KDM4B: variants seen among roughly 807,000 people sequenced by gnomAD.
The protein encoded by KDM4B is lysine-specific demethylase 4B.
KDM4B carries 32 observed loss-of-function variants against 125.2 expected under a neutral mutation model. The observed-to-expected ratio is 0.26, with a 90% CI of 0.19 to 0.34. The LOEUF is 0.34. Ranked by LOEUF, KDM4B falls within the 10% of genes least tolerant of loss-of-function variation. The pLI is 1.00. For missense variants in KDM4B, 1,190 were observed against 1,577.7 expected, an observed-to-expected ratio of 0.75 and a Z score of 4.16; for synonymous variants, 721 against 677.9, an observed-to-expected ratio of 1.06 and a Z score of -0.99.
At chr19:5,032,480 C>T (rs535565022) in intron 2 of KDM4B, among the ~76,000 whole-genome samples, 2 of 152,334 alleles carry the variant, frequency 1.3e-5, no homozygotes, top group African/African-American at 4.8e-5. Context: ...CCGCAGATGC[C>T]GCGGTCTCTC....
At chr19:4,994,651 G>A (rs2035144852) in intron 1 of KDM4B, among the ~76,000 whole-genome samples, 1 of 149,052 alleles carries the variant, frequency 6.7e-6, no homozygotes, top group South Asian at 2.1e-4. Flanking sequence ...TTTAAATCCA[G>A]TCTGACAATT....
intron 9 of KDM4B, among the ~76,000 whole-genome samples, chr19:5,106,699 G>C (rs1028829756): frequency 5.9e-5 from 9 of 152,242 alleles, no homozygotes; most frequent in African/African-American, 2.2e-4. Flanking sequence ...GGGTGGTCAG[G>C]CTGCCCCCTG....
At chr19:5,021,245 T>C (rs1046200164) in intron 2 of KDM4B, among the ~76,000 whole-genome samples, 3 of 152,250 alleles carry the variant, frequency 2.0e-5, no homozygotes, top group Admixed American at 6.5e-5. Context: ...ATGTGCTGTT[T>C]TGGGGAGTGT....
intron 1 of KDM4B, among the ~76,000 whole-genome samples, chr19:5,012,408 G>C (rs762717463): frequency 2.0e-5 from 3 of 152,092 alleles, no homozygotes; most frequent in Non-Finnish European, 4.4e-5. Context: ...GATTGCCTCT[G>C]CTTTCCCCTA....
chr19:5,105,635 CTA>C (rs1397362799), intron 9 of KDM4B, among the ~76,000 whole-genome samples: 2 of 152,156 alleles, frequency 1.3e-5, no homozygotes, highest in African/African-American at 4.8e-5. Context: ...CAGCGTCTTG[CTA>C]TATTGCCCAG....
intron 1 of KDM4B, among the ~76,000 whole-genome samples, chr19:4,995,517 G>A (rs1239447161): frequency 6.6e-6 from 1 of 152,072 alleles, no homozygotes; most frequent in Non-Finnish European, 1.5e-5. Context: ...GACCTCAACC[G>A]ATCTGCCTAC....
At chr19:5,093,675 C>A (rs1294132027) in intron 9 of KDM4B, among the ~76,000 whole-genome samples, 1 of 152,236 alleles carries the variant, frequency 6.6e-6, no homozygotes, top group East Asian at 1.9e-4. Context: ...CACCTGCCAC[C>A]CACACCCACC....
chr19:5,073,975 T>G (rs1049721031), intron 7 of KDM4B: 31 of 152,422 alleles, frequency 2.0e-4, no homozygotes, highest in African/African-American at 7.5e-4. Context: ...GGGCGTGGTG[T>G]TGTACATCTG....
In KDM4B at chr19:5,039,881, A is replaced by G; in HGVS notation, c.187A>G (p.Ile63Val). 1.2e-6 allele frequency: 2 copies of G among 1,612,970 alleles called. No homozygotes were observed. The highest frequency in any genetic ancestry group is 2.2e-5 in the East Asian group (1 of 44,880). The change falls in exon 4 of 23, where the codon ATC becomes GTC. Residue 63 changes from isoleucine (I) to valine (V), a missense_variant. Physicochemically the swap from Ile to Val is conservative, Grantham distance 29. Transcript: ENST00000159111. ...EWKPRQTYDD[I>V]DDVVIPAPIQ... ...GAAGCCGCGGCAGACGTATGATGACATCGACGACGTGGTGATCCCGGCGCC... is the reference window on the plus strand; with the variant it reads ...GAAGCCGCGGCAGACGTATGATGACGTCGACGACGTGGTGATCCCGGCGCC...
chr19:5,092,713 G>A (rs1012979957), intron 9 of KDM4B, among the ~76,000 whole-genome samples: 7 of 152,174 alleles, frequency 4.6e-5, no homozygotes, highest in African/African-American at 1.4e-4. Context: ...GGGCACTGGC[G>A]AGGGAGCCCA....
At chr19:5,032,153 C>T (rs1444365760) in intron 2 of KDM4B, among the ~76,000 whole-genome samples, 7 of 152,346 alleles carry the variant, frequency 4.6e-5, no homozygotes, top group Admixed American at 1.3e-4. Flanking sequence ...CCGCAGCCTC[C>T]GTGGAGAGGA....
chr19:4,986,999 T>C (rs566595035), intron 1 of KDM4B, among the ~76,000 whole-genome samples: 6 of 152,066 alleles, frequency 3.9e-5, no homozygotes, highest in Admixed American at 1.3e-4. Context: ...CTCTGTCGCC[T>C]AGGCTGGAGC....
intron 2 of KDM4B, among the ~76,000 whole-genome samples, chr19:5,021,636 GTTT>G (rs397859195): frequency 2.7e-4 from 34 of 126,252 alleles, no homozygotes; most frequent in East Asian, 4.6e-4. Flanking sequence ...CCTGGCACAG[GTTT>G]TTTTTTTTTT....
Position 5,131,138 on chromosome 19 carries a change from G to C in KDM4B, c.1378G>C (p.Gly460Arg). 2 of 1,540,448 alleles carry C rather than the reference G, an allele frequency of 1.3e-6. No individual in the cohort carries two copies. Among genetic ancestry groups the C allele is most frequent in the Non-Finnish European group, 1.7e-6 (2 of 1,143,498 alleles). ...AKSERKKKSF[G>R]LLPPQLPPPP... ...GAGCGAGCGGAAGAAGAAGAGCTTC[G>C]GCCTGCTGCCCCCACAGCTGCCGCC... Residue 460 changes from glycine (G) to arginine (R), a missense_variant, in exon 12 of 23, where the codon GGC becomes CGC. Gly to Arg is a moderately radical substitution (Grantham distance 125). Around this residue, in one of 7 missense-constraint regions of KDM4B, gnomAD observed 428 missense variants for 405.1 expected, o/e 1.06. Transcript: ENST00000159111.
Position 5,019,334 on chromosome 19 carries a change from G to T in KDM4B, c.-26+2995G>T, listed in dbSNP as rs1178781795. On this transcript the variant is annotated intron_variant, in intron 2 of 22. Transcript: ENST00000159111. ...TGTTGGTGTGGACGTTGGCGTGCAG[G>T]TGTTGGTGTGGGTGTTGGTGTGCAG... 2.7e-5 allele frequency among the ~76,000 whole-genome samples: 4 copies of T among 147,962 alleles called. No individual in the cohort carries two copies. In the East Asian group the frequency reaches 8.2e-4, roughly 30 times the overall value.
chr19:5,042,684 G>A lies in KDM4B; in HGVS notation c.432+1433G>A, dbSNP rs370282617. On this transcript the variant is annotated intron_variant, in intron 5 of 22. Transcript: ENST00000159111. ...TCTTACACAGCAGGAGAGAGTGAGG[G>A]GGGGGGCGCCGTAGGCTTTTCAACA... 2.5e-3 allele frequency among the ~76,000 whole-genome samples: 379 copies of A among 151,752 alleles called. 2 individuals are homozygous for A. The highest frequency in any genetic ancestry group is 0.011 in the South Asian group (51 of 4,770).
At chr19:5,089,262 A>G (rs945790671) in intron 9 of KDM4B, among the ~76,000 whole-genome samples, 2 of 152,114 alleles carry the variant, frequency 1.3e-5, no homozygotes. Context: ...CAGAATAAAA[A>G]CTGGGCAGCC....
At chr19:5,107,262 G>A (rs978414708) in intron 9 of KDM4B, among the ~76,000 whole-genome samples, 2 of 152,256 alleles carry the variant, frequency 1.3e-5, no homozygotes, top group African/African-American at 4.8e-5. Flanking sequence ...TGGGGGCCGC[G>A]CAGACCTCCT....
At chr19:5,004,804 G>A (rs1272305191) in intron 1 of KDM4B, among the ~76,000 whole-genome samples, 1 of 152,090 alleles carries the variant, frequency 6.6e-6, no homozygotes, top group Admixed American at 6.5e-5. Flanking sequence ...GCTCCCCTCC[G>A]GAATACACTC....
Sources: gnomAD v4.1 joint callset for allele counts (sites outside exome capture counted in the v4.1 genomes callset) on GRCh38, gnomAD v4.1.1 for gene constraint, gnomAD v4.1.1 regional missense constraint, MANE v1.5 for transcripts, NCBI Gene and HGNC (gene_info 2026-07-23, HGNC 2026-07-21) for gene names.